Variants in AATF observed in about 807,000 individuals in gnomAD.
AATF encodes protein AATF.
AATF carries 48 observed loss-of-function variants against 63.7 expected under a neutral mutation model. That is an observed-to-expected ratio of 0.75 (90% CI 0.60 to 0.96). AATF has a LOEUF of 0.96. AATF is among the 40% of genes least tolerant of loss of function. AATF has a pLI of 0.00. For synonymous variants in AATF, 258 were observed against 247.7 expected, an observed-to-expected ratio of 1.04 and a Z score of -0.39; for missense variants, 639 against 685.7, an observed-to-expected ratio of 0.93 and a Z score of 0.76.
chr17:36,999,169 A>G (rs2071276074), intron 8 of AATF: 2 of 152,230 alleles, frequency 1.3e-5, no homozygotes, highest in South Asian at 4.1e-4. Context: ...AGGGTAGAAG[A>G]ATCTTCAGAT....
intron 11 of AATF, among the ~76,000 whole-genome samples, chr17:37,034,997 C>G (rs763624295): frequency 4.9e-4 from 74 of 150,702 alleles, no homozygotes; most frequent in Non-Finnish European, 9.5e-4. Context: ...TGGTGGTGGG[C>G]GCCTGTAGTC....
chr17:36,949,290 G>GGGGCGTGCGCGAGGCCGCC, intron 1 of AATF, 74 bp downstream of exon 1: 4 of 1,427,852 alleles, frequency 2.8e-6, no homozygotes, highest in Non-Finnish European at 3.8e-6. Context: ...CGGCGTGGGA[G>GGGGCGTGCGCGAGGCCGCC]GGGCGTGCGC....
At chr17:37,038,619 TC>T (rs147977832) in intron 11 of AATF, among the ~76,000 whole-genome samples, 456 of 152,082 alleles carry the variant, frequency 3.0e-3, no homozygotes, top group African/African-American at 0.01. Context: ...TAAATAGATT[TC>T]CCCCCCTTAT....
At chr17:36,964,516 A>G (rs768824428) in intron 4 of AATF, among the ~76,000 whole-genome samples, 1 of 152,204 alleles carries the variant, frequency 6.6e-6, no homozygotes, top group African/African-American at 2.4e-5. Flanking sequence ...AAAACAAAAC[A>G]AAACAAAAAC....
intron 4 of AATF, among the ~76,000 whole-genome samples, chr17:36,956,498 C>T (rs1367232695): frequency 6.6e-6 from 1 of 150,638 alleles, no homozygotes; most frequent in Admixed American, 6.6e-5. Context: ...TGTGGTGAAA[C>T]CCCGTCTCTA....
chr17:36,982,836 A>G (rs961717008), intron 4 of AATF, among the ~76,000 whole-genome samples: 3 of 152,156 alleles, frequency 2.0e-5, no homozygotes, highest in Non-Finnish European at 4.4e-5. Context: ...CTGTATCATT[A>G]AACAGTAATT....
At chr17:36,973,703 A>G (rs2071057516) in intron 4 of AATF, among the ~76,000 whole-genome samples, 1 of 152,176 alleles carries the variant, frequency 6.6e-6, no homozygotes, top group Non-Finnish European at 1.5e-5. Flanking sequence ...ACCATTTTTT[A>G]GGTGATAAAT....
In AATF at chr17:36,953,150, G is replaced by C; in HGVS notation, c.548G>C (p.Gly183Ala). The change falls in exon 3 of 12, where the codon GGG becomes GCG. Residue 183 changes from glycine to alanine, a missense_variant. Transcript: ENST00000619387. ...GACGAAGAGAGTGGCATGGAAGAAG[G>C]GGATGACGCGGAAGACTCCCAAGGC... ...EEDEESGMEE[G>A]DDAEDSQGES... is the part of the protein sequence containing the mutation. The C allele has an allele frequency of 6.2e-7, 1 of 1,614,146 alleles. No homozygotes were observed. The highest frequency in any genetic ancestry group is 8.5e-7 in the Non-Finnish European group (1 of 1,180,030).
chr17:37,054,155 G>A (rs904472031), intron 11 of AATF, among the ~76,000 whole-genome samples: 7 of 151,714 alleles, frequency 4.6e-5, no homozygotes, highest in South Asian at 4.2e-4. Flanking sequence ...AAGCTGAACC[G>A]CTGGAATCTA....
intron 8 of AATF, among the ~76,000 whole-genome samples, chr17:36,995,719 C>T (rs1461666301): frequency 6.6e-6 from 1 of 151,864 alleles, no homozygotes; most frequent in Non-Finnish European, 1.5e-5. Context: ...AGACAGGTAC[C>T]ATCACACCCA....
intron 11 of AATF, among the ~76,000 whole-genome samples, chr17:37,042,214 G>A (rs1160923858): frequency 1.3e-5 from 2 of 151,932 alleles, no homozygotes; most frequent in African/African-American, 4.8e-5. Context: ...GAACCTTTTT[G>A]TGGGGGGTGT....
At chr17:36,976,309 A>T (rs1469148266) in intron 4 of AATF, among the ~76,000 whole-genome samples, 1 of 152,214 alleles carries the variant, frequency 6.6e-6, no homozygotes, top group Non-Finnish European at 1.5e-5. Context: ...CAATAATAGT[A>T]TCTACCTCAA....
intron 11 of AATF, among the ~76,000 whole-genome samples, chr17:37,035,946 C>T (rs760286689): frequency 6.6e-6 from 1 of 151,336 alleles, no homozygotes; most frequent in Non-Finnish European, 1.5e-5. Flanking sequence ...TTTCTTGAGA[C>T]AGGGTCTCAC....
At chr17:37,002,335 GA>G (rs1380959822) in intron 8 of AATF, among the ~76,000 whole-genome samples, 2 of 151,958 alleles carry the variant, frequency 1.3e-5, no homozygotes, top group East Asian at 3.9e-4. Context: ...TACCAGCAAT[GA>G]ATGACCTCAA....
chr17:37,027,057 AAAT>A (rs1422829537), intron 10 of AATF, among the ~76,000 whole-genome samples: 2 of 152,212 alleles, frequency 1.3e-5, no homozygotes, highest in Non-Finnish European at 2.9e-5. Context: ...GAAACAGTTT[AAAT>A]AATAACACTT....
chr17:37,039,320 G>A (rs1235096169), intron 11 of AATF, among the ~76,000 whole-genome samples: 2 of 152,142 alleles, frequency 1.3e-5, no homozygotes, highest in African/African-American at 4.8e-5. Flanking sequence ...AGGTTATTCT[G>A]ACAGGTGAGA....
chr17:36,972,651 T>C (rs187294774), intron 4 of AATF, among the ~76,000 whole-genome samples: 1 of 150,854 alleles, frequency 6.6e-6, no homozygotes, highest in East Asian at 1.9e-4. Context: ...AAGCAGTGTC[T>C]GTAAGCTTCT....
intron 8 of AATF, among the ~76,000 whole-genome samples, chr17:36,991,821 G>A (rs1189799868): frequency 2.0e-5 from 3 of 152,036 alleles, no homozygotes; most frequent in East Asian, 1.9e-4. Flanking sequence ...TCCTGACCTC[G>A]TGATCTCCCT....
chr17:37,013,710 G>A (rs1198748934), intron 8 of AATF, among the ~76,000 whole-genome samples: 1 of 152,144 alleles, frequency 6.6e-6, no homozygotes, highest in Non-Finnish European at 1.5e-5. Context: ...ATTTCAGCAT[G>A]AGGTTTGGAG....
Sources: allele counts gnomAD v4.1 joint callset (sites outside exome capture counted in the v4.1 genomes callset), GRCh38; gene constraint gnomAD v4.1.1; transcripts MANE v1.5; gene names NCBI Gene and HGNC (gene_info 2026-07-23, HGNC 2026-07-21).